The following ZNF365 variants were observed in gnomAD, a reference collection of about 807,000 sequenced individuals.
The protein encoded by ZNF365 is protein ZNF365.
A neutral mutation model predicts 35.0 loss-of-function variants in ZNF365; 22 were observed. The ratio of observed to expected loss-of-function variants is 0.63; its 90% CI spans 0.45 to 0.90. The LOEUF is 0.90. Ranked by LOEUF, ZNF365 falls within the 40% of genes least tolerant of loss-of-function variation. ZNF365 has a pLI of 0.00. For synonymous variants in ZNF365, 188 were observed against 196.2 expected, an observed-to-expected ratio of 0.96 and a Z score of 0.35; for missense variants, 448 against 500.3, an observed-to-expected ratio of 0.90 and a Z score of 1.00.
intron 3 of ZNF365, among the ~76,000 whole-genome samples, chr10:62,430,716 A>AGAAAGAGAC (rs1319727145): frequency 6.6e-6 from 1 of 152,250 alleles, no homozygotes; most frequent in East Asian, 1.9e-4. Flanking sequence ...AACAGGAAGG[A>AGAAAGAGAC]GAAAGAGACG....
At chr10:62,403,921 G>A (rs1444571877), downstream of ZNF365, among the ~76,000 whole-genome samples, 5 of 152,120 alleles carry the variant, frequency 3.3e-5, no homozygotes, top group East Asian at 1.9e-4. Flanking sequence ...AAGAAGCCCC[G>A]GAGCAATTTC....
rs75545795 is a variant in ZNF365 at position 62,450,910 on chromosome 10, A to G, written c.925-8831A>G. On this transcript the variant is annotated intron_variant, in intron 3 of 4. Coordinates refer to the ZNF365 transcript ENST00000395255. ...CTGACATAAAGTTTATTTTTTCTGT[A>G]TTCATCACATATAGTTAAGACAAGA... is the stretch of plus-strand genomic sequence containing the variant. Among the ~76,000 whole-genome samples the G allele has an allele frequency of 4.9e-3, 744 of 152,306 alleles. 3 individuals are homozygous for G. Among genetic ancestry groups the G allele is most frequent in the East Asian group, 0.029 (149 of 5,194 alleles).
chr10:62,480,012 C>G, exon 5 of ZNF365: 1 of 1,503,236 alleles, frequency 6.7e-7, no homozygotes, highest in Non-Finnish European at 8.9e-7. Context: ...GTTTTACACT[C>G]CAGGAACTTT....
At chr10:62,458,875 G>A (rs1363956985) in intron 3 of ZNF365, among the ~76,000 whole-genome samples, 2 of 152,044 alleles carry the variant, frequency 1.3e-5, no homozygotes, top group African/African-American at 4.8e-5. Context: ...TTGGTTTTTT[G>A]TTGTTATTTG....
At chr10:62,411,160 T>C (rs1440041607) in intron 3 of ZNF365, among the ~76,000 whole-genome samples, 1 of 152,202 alleles carries the variant, frequency 6.6e-6, no homozygotes, top group Non-Finnish European at 1.5e-5. Flanking sequence ...TTTAAGTTCC[T>C]TGTGGACTCT....
intron 4 of ZNF365, among the ~76,000 whole-genome samples, chr10:62,464,154 C>T (rs929578729): frequency 6.6e-6 from 1 of 152,166 alleles, no homozygotes; most frequent in Admixed American, 6.5e-5. Context: ...ATTATAATGA[C>T]TTTGGGACTC....
chr10:62,379,584 G>A lies in ZNF365; in HGVS notation c.743+2648G>A, dbSNP rs144721520. Among the ~76,000 whole-genome samples, 3 of 152,172 alleles carry A rather than the reference G, an allele frequency of 2.0e-5. No homozygotes were observed. The East Asian group carries it at 5.8e-4, about 29-fold the overall frequency. ...TCCAGGGAGGACACTGGAGCTCTTGGTCTAAGAATGGGACTGTGGACAGCA... is the reference window on the plus strand; with the variant it reads ...TCCAGGGAGGACACTGGAGCTCTTGATCTAAGAATGGGACTGTGGACAGCA... On this transcript the variant is annotated intron_variant, in intron 2 of 4. Transcript: ENST00000395254.
At chr10:62,384,019 T>A (rs779274601) in intron 2 of ZNF365, among the ~76,000 whole-genome samples, 1 of 152,024 alleles carries the variant, frequency 6.6e-6, no homozygotes, top group African/African-American at 2.4e-5. Context: ...TATATTGTAC[T>A]GGTATTTTTT....
At chr10:62,412,339 G>A (rs1327570025) in intron 3 of ZNF365, among the ~76,000 whole-genome samples, 1 of 152,050 alleles carries the variant, frequency 6.6e-6, no homozygotes, top group South Asian at 2.1e-4. Context: ...CATACTGAAT[G>A]GGCAAAAGCT....
intron 3 of ZNF365, among the ~76,000 whole-genome samples, chr10:62,427,221 T>A (rs1012925593): frequency 1.3e-5 from 2 of 152,234 alleles, no homozygotes; most frequent in African/African-American, 2.4e-5. Context: ...CACATGATGA[T>A]ATTTTGGTCA....
chr10:62,389,420 C>A (rs1242085841), intron 3 of ZNF365, among the ~76,000 whole-genome samples: 2 of 143,768 alleles, frequency 1.4e-5, no homozygotes, highest in Non-Finnish European at 3.1e-5. Context: ...TCCTTCCTAG[C>A]AGATTTAAAA....
chr10:62,423,217 A>T (rs1361100563), intron 3 of ZNF365, among the ~76,000 whole-genome samples: 1 of 151,694 alleles, frequency 6.6e-6, no homozygotes, highest in Non-Finnish European at 1.5e-5. Context: ...TAGAAACTTA[A>T]AAAAAAAACT....
intron 3 of ZNF365, among the ~76,000 whole-genome samples, chr10:62,445,792 T>C (rs1023866501): frequency 6.6e-6 from 1 of 152,192 alleles, no homozygotes; most frequent in African/African-American, 2.4e-5. Flanking sequence ...AAAGTGGAAA[T>C]CTGATATTTG....
intron 3 of ZNF365, among the ~76,000 whole-genome samples, chr10:62,452,378 A>G (rs1010527793): frequency 3.3e-5 from 5 of 152,206 alleles, no homozygotes; most frequent in Non-Finnish European, 7.3e-5. Flanking sequence ...TAGGAAAATT[A>G]ACCACCCCCA....
chr10:62,413,774 T>G (rs59437735), intron 3 of ZNF365, among the ~76,000 whole-genome samples: 4,191 of 151,720 alleles, frequency 0.028, 78 homozygotes, highest in African/African-American at 0.059. Context: ...GAAGCAGAGG[T>G]TTTTAACCAG....
In ZNF365 at chr10:62,376,764, A is replaced by G. The variant is rs1839341532; in HGVS notation, c.571A>G (p.Thr191Ala). 2 of 1,614,040 alleles carry G rather than the reference A, an allele frequency of 1.2e-6. No individual in the cohort carries two copies. Among genetic ancestry groups the G allele is most frequent in the African/African-American group, 2.7e-5 (2 of 74,910 alleles). Reference protein sequence around the residue: ...DKLTKELAQKTAELLEVRAAF... With the variant: ...DKLTKELAQKAAELLEVRAAF... The stretch of plus-strand genomic sequence containing the variant: ...ACTCACCAAAGAGTTGGCCCAGAAA[A>G]CTGCGGAACTGTTGGAAGTTCGGGC... Residue 191 changes from threonine to alanine, a missense_variant, in exon 2 of 5, where the codon ACT becomes GCT. Coordinates refer to ENST00000395254, the MANE Select transcript of ZNF365 (RefSeq NM_014951.3).
chr10:62,421,640 A>G (rs549823662), intron 3 of ZNF365, among the ~76,000 whole-genome samples: 2 of 152,334 alleles, frequency 1.3e-5, no homozygotes, highest in South Asian at 4.1e-4. Flanking sequence ...AAAGGCTTTA[A>G]TGATAGAGAT....
At chr10:62,438,027 G>A (rs1442788162) in intron 3 of ZNF365, among the ~76,000 whole-genome samples, 1 of 152,156 alleles carries the variant, frequency 6.6e-6, no homozygotes, top group Non-Finnish European at 1.5e-5. Flanking sequence ...TAGATTTCAA[G>A]TAACTGTGTA....
intron 3 of ZNF365, among the ~76,000 whole-genome samples, chr10:62,410,065 A>G (rs1185356005): frequency 6.6e-6 from 1 of 151,994 alleles, no homozygotes; most frequent in Non-Finnish European, 1.5e-5. Flanking sequence ...GGCACTATGT[A>G]TTTTTTCAAC....
Sources: gnomAD v4.1 joint callset for allele counts (sites outside exome capture counted in the v4.1 genomes callset) on GRCh38, gnomAD v4.1.1 for gene constraint, MANE v1.5 for transcripts, NCBI Gene and HGNC (gene_info 2026-07-23, HGNC 2026-07-21) for gene names.